Variants in PTPRD observed in about 807,000 individuals in gnomAD.
PTPRD encodes the protein receptor-type tyrosine-protein phosphatase delta.
Under a neutral mutation model 214.5 loss-of-function variants are expected in PTPRD, and 34 were observed. That is an observed-to-expected ratio of 0.16 (90% CI 0.12 to 0.21). PTPRD has a LOEUF of 0.21. Among genes scored for constraint, PTPRD ranks in the 10% least tolerant of loss-of-function variants. The probability of loss-of-function intolerance (pLI) is 1.00; values close to 1 mark genes in which losing one functional copy is unlikely to be tolerated. For synonymous variants in PTPRD, 1,128 were observed against 845.7 expected (o/e 1.33, Z -5.79); for missense variants, 2,545 against 2,398.7 (o/e 1.06, Z -1.27).
chr9:10,515,641 A>G (rs1308876085), intron 2 of PTPRD, among the ~76,000 whole-genome samples: 4 of 152,002 alleles, frequency 2.6e-5, no homozygotes. Flanking sequence ...TAAAAGTACA[A>G]TACAGTCTTG....
intron 5 of PTPRD, among the ~76,000 whole-genome samples, chr9:9,888,549 G>A (rs956603952): frequency 3.3e-5 from 5 of 152,032 alleles, no homozygotes; most frequent in African/African-American, 9.7e-5. Context: ...CTCTATGAAC[G>A]AGCTCCTGGG....
chr9:9,764,683 C>A (rs947319549), intron 6 of PTPRD, among the ~76,000 whole-genome samples: 1 of 152,110 alleles, frequency 6.6e-6, no homozygotes, highest in East Asian at 1.9e-4. Context: ...CATTTTAATG[C>A]CTCCACAACC....
At chr9:9,815,871 A>G (rs2048597358) in intron 5 of PTPRD, among the ~76,000 whole-genome samples, 1 of 152,118 alleles carries the variant, frequency 6.6e-6, no homozygotes, top group South Asian at 2.1e-4. Context: ...TTTACTTAAG[A>G]TTTTCTAAGA....
At chr9:10,391,034 C>T (rs2098051636) in intron 2 of PTPRD, among the ~76,000 whole-genome samples, 1 of 151,786 alleles carries the variant, frequency 6.6e-6, no homozygotes, top group East Asian at 2.0e-4. Context: ...GGGAACTGTG[C>T]AGTGTCTCAC....
chr9:9,540,148 G>A (rs988791188), intron 8 of PTPRD, among the ~76,000 whole-genome samples: 1 of 151,714 alleles, frequency 6.6e-6, no homozygotes, highest in Non-Finnish European at 1.5e-5. Context: ...TCATAACTTT[G>A]GCATCTTAGT....
intron 5 of PTPRD, among the ~76,000 whole-genome samples, chr9:9,820,707 C>A (rs990445376): frequency 2.6e-5 from 4 of 152,122 alleles, no homozygotes; most frequent in African/African-American, 4.8e-5. Flanking sequence ...ATGTGGCTAA[C>A]CAGTATCCCA....
chr9:8,506,268 T>G (rs537570496), intron 22 of PTPRD, among the ~76,000 whole-genome samples: 1 of 152,260 alleles, frequency 6.6e-6, no homozygotes, highest in Non-Finnish European at 1.5e-5. Context: ...AGATAAAAAA[T>G]GCTAAGAGGC....
At chr9:9,160,413 C>T (rs2099885772) in intron 10 of PTPRD, among the ~76,000 whole-genome samples, 1 of 152,040 alleles carries the variant, frequency 6.6e-6, no homozygotes, top group Admixed American at 6.6e-5. Flanking sequence ...AACAAATAGC[C>T]AACAGGTACA....
At chr9:9,461,605 G>T (rs893994064) in intron 8 of PTPRD, among the ~76,000 whole-genome samples, 3 of 152,172 alleles carry the variant, frequency 2.0e-5, no homozygotes, top group Middle Eastern at 3.4e-3. Flanking sequence ...AGAGCTAGGG[G>T]TCTATTCAGG....
At chr9:10,230,660 G>A (rs2099606278) in intron 3 of PTPRD, among the ~76,000 whole-genome samples, 1 of 151,814 alleles carries the variant, frequency 6.6e-6, no homozygotes, top group Non-Finnish European at 1.5e-5. Context: ...AAAATTTTGT[G>A]GTTGTTCTTA....
chr9:9,994,690 C>T (rs2096063613), intron 4 of PTPRD, among the ~76,000 whole-genome samples: 1 of 152,064 alleles, frequency 6.6e-6, no homozygotes, highest in Non-Finnish European at 1.5e-5. Flanking sequence ...CAATAAAGAC[C>T]ATGTGCATCT....
intron 3 of PTPRD, among the ~76,000 whole-genome samples, chr9:10,316,450 G>A (rs778313787): frequency 3.3e-5 from 5 of 151,732 alleles, no homozygotes; most frequent in Non-Finnish European, 7.4e-5. Flanking sequence ...AGTGGGTTAT[G>A]TATTATGATT....
chr9:9,004,970 C>T (rs138426055), intron 11 of PTPRD, among the ~76,000 whole-genome samples: 13 of 152,206 alleles, frequency 8.5e-5, no homozygotes, highest in African/African-American at 3.1e-4. Flanking sequence ...TTTGCATTAT[C>T]CGCCAGGTGT....
intron 3 of PTPRD, among the ~76,000 whole-genome samples, chr9:10,246,801 G>C (rs928927009): frequency 6.6e-6 from 1 of 151,804 alleles, no homozygotes; most frequent in African/African-American, 2.4e-5. Flanking sequence ...GGCTGAGGCA[G>C]GAGAATCGCT....
chr9:8,524,398 G>A (rs2097959054), intron 18 of PTPRD, among the ~76,000 whole-genome samples: 1 of 152,124 alleles, frequency 6.6e-6, no homozygotes, highest in Admixed American at 6.6e-5. Flanking sequence ...AATTAAGAAA[G>A]TATACGAAGA....
intron 12 of PTPRD, among the ~76,000 whole-genome samples, chr9:8,643,492 G>A (rs983189004): frequency 1.3e-5 from 2 of 152,222 alleles, no homozygotes; most frequent in African/African-American, 4.8e-5. Context: ...GGCAGCAGCA[G>A]CAGGCCATGT....
chr9:10,426,533 C>T (rs553922367), intron 2 of PTPRD, among the ~76,000 whole-genome samples: 2 of 152,058 alleles, frequency 1.3e-5, no homozygotes, highest in Non-Finnish European at 2.9e-5. Flanking sequence ...AGCCATTGGT[C>T]CATATTCACC....
At chr9:9,279,094 C>T (rs573801227) in intron 9 of PTPRD, among the ~76,000 whole-genome samples, 6 of 151,002 alleles carry the variant, frequency 4.0e-5, no homozygotes, top group African/African-American at 1.5e-4. Flanking sequence ...AATAAAAAAG[C>T]TTACCTCTGT....
In PTPRD at chr9:10,101,508, G is replaced by T. The variant is rs1357480231; in HGVS notation, c.-544-67718C>A. Among the ~76,000 whole-genome samples, 3 of 151,560 alleles carry T rather than the reference G, an allele frequency of 2.0e-5. No individual in the cohort carries two copies. The Admixed American group carries it at 2.0e-4, about 10-fold the overall frequency. On this transcript the variant is annotated intron_variant, in intron 3 of 45. Coordinates refer to ENST00000381196, the MANE Select transcript of PTPRD (RefSeq NM_002839.4). The stretch of plus-strand genomic sequence containing the variant: ...CTTAGCAATGACAAGAGTGCCACTG[G>T]ACATGAGGAGCCAACTTAAAATTTA...
Sources: gnomAD v4.1 joint callset for allele counts (sites outside exome capture counted in the v4.1 genomes callset) on GRCh38, gnomAD v4.1.1 for gene constraint, MANE v1.5 for transcripts, NCBI Gene and HGNC (gene_info 2026-07-23, HGNC 2026-07-21) for gene names.